Variants in PTBP2 observed in about 807,000 individuals in gnomAD.
PTBP2 encodes polypyrimidine tract binding protein 2.
Under a neutral mutation model 61.4 loss-of-function variants are expected in PTBP2, and 13 were observed. That is an observed-to-expected ratio of 0.21 (90% CI 0.14 to 0.34). The LOEUF is 0.34. Ranked by LOEUF, PTBP2 falls within the 10% of genes least tolerant of loss-of-function variation. PTBP2 has a pLI of 1.00. For missense variants in PTBP2, 405 were observed against 642.6 expected (o/e 0.63, Z 4.00); for synonymous variants, 215 against 218.5 (o/e 0.98, Z 0.14).
chr1:96,778,002 A>AATAT (rs937192393), intron 7 of PTBP2, 56 bp downstream of exon 7: 59 of 897,440 alleles, frequency 6.6e-5, no homozygotes, highest in Non-Finnish European at 9.2e-5. Context: ...TATGTAGAAA[A>AATAT]ATATATATAT....
intron 7 of PTBP2, among the ~76,000 whole-genome samples, chr1:96,780,230 T>G (rs1161486634): frequency 6.6e-6 from 1 of 151,852 alleles, no homozygotes; most frequent in Non-Finnish European, 1.5e-5. Context: ...CCTTTCTCAT[T>G]TATTTCTCTC....
chr1:96,764,950 C>T (rs963489934), intron 3 of PTBP2, among the ~76,000 whole-genome samples: 9 of 152,122 alleles, frequency 5.9e-5, no homozygotes, highest in African/African-American at 1.4e-4. Flanking sequence ...TTACCTTTTA[C>T]GGAAACCTGG....
rs1438680902 is a variant in PTBP2, at chr1:96,814,896, GTCT to G, written c.*1493_*1495del. The stretch of plus-strand genomic sequence containing the variant: ...CTGTAGCTCTATATTCACCTTTTCT[GTCT>G]TTCTCTGCTGCCTTTTCTCTCTCCT... On this transcript the variant is annotated 3_prime_UTR_variant, in exon 14 of 14. Coordinates refer to ENST00000674951, the MANE Select transcript of PTBP2 (RefSeq NM_021190.4). 3.3e-5 allele frequency: 5 copies of G among 152,464 alleles called. No individual in the cohort carries two copies. The highest frequency in any genetic ancestry group is 1.2e-4 in the African/African-American group (5 of 41,406). 9.4% of individuals were successfully genotyped at this position (152,464 alleles called of 1,614,324 possible).
intron 7 of PTBP2, 54 bp from the exon 8 acceptor site, chr1:96,785,005 A>G: frequency 7.6e-7 from 1 of 1,310,586 alleles, no homozygotes; most frequent in Non-Finnish European, 1.0e-6. Context: ...TTATACTTTC[A>G]CTAATTTTTA....
intron 8 of PTBP2, among the ~76,000 whole-genome samples, chr1:96,791,011 A>T (rs2101099986): frequency 1.6e-5 from 1 of 61,640 alleles, no homozygotes; most frequent in East Asian, 3.3e-4. Flanking sequence ...CGTATACATA[A>T]TTGTGAAAAA....
chr1:96,748,568 G>A (rs1299164108), intron 2 of PTBP2, among the ~76,000 whole-genome samples: 1 of 152,008 alleles, frequency 6.6e-6, no homozygotes, highest in African/African-American at 2.4e-5. Flanking sequence ...AGTTTCTGTG[G>A]TCAGATTTAA....
At chr1:96,796,121 A>G (rs896886018) in intron 8 of PTBP2, among the ~76,000 whole-genome samples, 3 of 152,092 alleles carry the variant, frequency 2.0e-5, no homozygotes, top group African/African-American at 7.2e-5. Context: ...GACCATTGTT[A>G]GAACCAGAAG....
At chr1:96,737,106 AG>A (rs978027319) in intron 2 of PTBP2, among the ~76,000 whole-genome samples, 6 of 151,686 alleles carry the variant, frequency 4.0e-5, no homozygotes, top group African/African-American at 1.5e-4. Flanking sequence ...CAGCCTCCCG[AG>A]TAGCTGGGAC....
At position 96,797,494 on chromosome 1, in the gene PTBP2, T is replaced by C. The variant is rs376224883; in HGVS notation, c.905-7306T>C. On this transcript the variant is annotated intron_variant, in intron 8 of 13. Coordinates refer to ENST00000674951, the MANE Select transcript of PTBP2 (RefSeq NM_021190.4). ...GAAAGAATAGCAGTTGTCATCCTTATGAAAAGTAAAATTTTTATTTTCAAA... is the reference window on the plus strand; with the variant it reads ...GAAAGAATAGCAGTTGTCATCCTTACGAAAAGTAAAATTTTTATTTTCAAA... 6.6e-5 allele frequency among the ~76,000 whole-genome samples: 10 copies of C among 152,252 alleles called. No individual in the cohort carries two copies. The South Asian group carries it at 1.9e-3, about 28-fold the overall frequency.
chr1:96,769,209 A>AT (rs1657102856), intron 3 of PTBP2, among the ~76,000 whole-genome samples: 1 of 152,030 alleles, frequency 6.6e-6, no homozygotes, highest in Admixed American at 6.5e-5. Flanking sequence ...TAGGCAACAA[A>AT]TTTGACAGCA....
intron 8 of PTBP2, among the ~76,000 whole-genome samples, chr1:96,798,675 C>CA (rs1318987368): frequency 6.6e-6 from 1 of 151,846 alleles, no homozygotes; most frequent in African/African-American, 2.4e-5. Context: ...ACTGGAACAA[C>CA]AAAAAAGGGA....
chr1:96,739,105 T>C (rs949751584), intron 2 of PTBP2, among the ~76,000 whole-genome samples: 1 of 152,178 alleles, frequency 6.6e-6, no homozygotes, highest in Non-Finnish European at 1.5e-5. Context: ...TGTACCAAAA[T>C]AGAGTAGTTT....
At chr1:96,777,041 A>G (rs369022333) in intron 5 of PTBP2, among the ~76,000 whole-genome samples, 1 of 152,010 alleles carries the variant, frequency 6.6e-6, no homozygotes, top group South Asian at 2.1e-4. Flanking sequence ...GTGGTTTTGG[A>G]CTAGACTACA....
At chr1:96,799,243 A>C (rs1209036958) in intron 8 of PTBP2, among the ~76,000 whole-genome samples, 2 of 150,768 alleles carry the variant, frequency 1.3e-5, no homozygotes, top group Non-Finnish European at 2.9e-5. Context: ...ATCGTTTATG[A>C]AGCTCTTTTA....
chr1:96,811,206 T>C (rs1035166456), intron 11 of PTBP2, among the ~76,000 whole-genome samples: 3 of 152,168 alleles, frequency 2.0e-5, no homozygotes, highest in Admixed American at 1.3e-4. Context: ...TTGACAGCAT[T>C]ATCCTTTTCA....
intron 8 of PTBP2, 142 bp downstream of exon 8, chr1:96,785,396 A>ATATGAATACTG (rs879484481): frequency 3.5e-6 from 2 of 572,694 alleles, no homozygotes; most frequent in Non-Finnish European, 5.8e-6. Flanking sequence ...GTGAGAAGGC[A>ATATGAATACTG]TATGAATACT....
At chr1:96,740,459 GA>G (rs1290064034) in intron 2 of PTBP2, among the ~76,000 whole-genome samples, 1 of 152,154 alleles carries the variant, frequency 6.6e-6, no homozygotes, top group African/African-American at 2.4e-5. Context: ...ATGATCTCAT[GA>G]AATCCTCCAG....
chr1:96,732,853 T>C (rs1411062571), intron 2 of PTBP2, among the ~76,000 whole-genome samples: 1 of 152,150 alleles, frequency 6.6e-6, no homozygotes, highest in East Asian at 1.9e-4. Context: ...TTGGCCTTTA[T>C]GGCTAACAGC....
At chr1:96,815,864 G>A (rs1662460644), downstream of PTBP2, 1 of 152,126 alleles carries the variant, frequency 6.6e-6, no homozygotes, top group African/African-American at 2.4e-5. Flanking sequence ...GTAGCACAGA[G>A]GAACTCTACC....
Sources: gnomAD v4.1 joint callset for allele counts (sites outside exome capture counted in the v4.1 genomes callset) on GRCh38, gnomAD v4.1.1 for gene constraint, MANE v1.5 for transcripts, NCBI Gene and HGNC (gene_info 2026-07-23, HGNC 2026-07-21) for gene names.